Variants in MOB3B observed in about 807,000 individuals in gnomAD.
MOB3B encodes the protein MOB kinase activator 3B.
Under a neutral mutation model 18.7 loss-of-function variants are expected in MOB3B, and 7 were observed. That is an observed-to-expected ratio of 0.37 (90% CI 0.21 to 0.70). The LOEUF (loss-of-function observed/expected upper bound fraction) is 0.70, where lower values mean the gene tolerates loss of function less well. Ranked by LOEUF, MOB3B falls within the 30% of genes least tolerant of loss-of-function variation. MOB3B has a pLI of 0.52. For synonymous variants in MOB3B, 111 were observed against 99.9 expected, an observed-to-expected ratio of 1.11 and a Z score of -0.66; for missense variants, 253 against 281.3, an observed-to-expected ratio of 0.90 and a Z score of 0.72.
At chr9:27,407,777 C>T (rs28570465) in intron 2 of MOB3B, among the ~76,000 whole-genome samples, 6,314 of 152,216 alleles carry the variant, frequency 0.041, 384 homozygotes, top group African/African-American at 0.14. Context: ...AGAGAGGCTT[C>T]CCAGTGTTGT....
chr9:27,454,843 G>A (rs960870627), intron 2 of MOB3B, among the ~76,000 whole-genome samples: 1 of 152,174 alleles, frequency 6.6e-6, no homozygotes, highest in Non-Finnish European at 1.5e-5. Flanking sequence ...ATAAGTGAGT[G>A]AGTCTGACAT....
At chr9:27,357,585 C>T (rs1821210839) in intron 3 of MOB3B, among the ~76,000 whole-genome samples, 1 of 151,884 alleles carries the variant, frequency 6.6e-6, no homozygotes, top group Admixed American at 6.6e-5. Flanking sequence ...CCATGAAAAC[C>T]ATGGTGAAGG....
chr9:27,453,790 G>A (rs1289627647), intron 2 of MOB3B, among the ~76,000 whole-genome samples: 1 of 152,068 alleles, frequency 6.6e-6, no homozygotes, highest in Non-Finnish European at 1.5e-5. Context: ...TGCTAGTAAG[G>A]CTTCTGGAAA....
intron 2 of MOB3B, among the ~76,000 whole-genome samples, chr9:27,409,979 G>T (rs1822039714): frequency 6.6e-6 from 1 of 152,140 alleles, no homozygotes. Context: ...AGTTTGCAGT[G>T]ATGAAAAAGT....
intron 1 of MOB3B, among the ~76,000 whole-genome samples, chr9:27,490,968 C>T (rs189186863): frequency 4.2e-4 from 36 of 85,274 alleles, no homozygotes; most frequent in South Asian, 5.3e-4. Context: ...CTAGATAGCA[C>T]ATCATACAGC....
intron 1 of MOB3B, among the ~76,000 whole-genome samples, chr9:27,465,876 A>C (rs940737493): frequency 3.9e-5 from 6 of 152,190 alleles, no homozygotes; most frequent in Non-Finnish European, 8.8e-5. Context: ...CCTAGGCTGC[A>C]TACAGCACGG....
At chr9:27,399,041 G>A (rs2183537) in intron 2 of MOB3B, among the ~76,000 whole-genome samples, 46,635 of 151,830 alleles carry the variant, frequency 0.31, 8,448 homozygotes, top group East Asian at 0.78. Context: ...TTAAAATATT[G>A]AGTCCCCAAG....
intron 1 of MOB3B, among the ~76,000 whole-genome samples, chr9:27,459,709 T>C (rs951335728): frequency 1.3e-5 from 2 of 152,050 alleles, no homozygotes; most frequent in African/African-American, 4.8e-5. Flanking sequence ...CTGACTTGTA[T>C]AGCCCAGCAC....
In MOB3B at chr9:27,342,182, T is replaced by C. The variant is rs1571650; in HGVS notation, c.622-11566A>G. On this transcript the variant is annotated intron_variant, in intron 3 of 3. Transcript: ENST00000262244. ...GTCTTTTCAGAAAAGCTGGCTGACC[T>C]CGCGTCGCACCATGCCAATACCATG... Among the ~76,000 whole-genome samples the C allele has an allele frequency of 6.4e-3, 979 of 152,242 alleles. 6 individuals are homozygous for C. The highest frequency in any genetic ancestry group is 0.022 in the African/African-American group (910 of 41,518).
intron 2 of MOB3B, among the ~76,000 whole-genome samples, chr9:27,377,908 G>C (rs1308008198): frequency 2.0e-5 from 3 of 152,228 alleles, no homozygotes; most frequent in Admixed American, 1.3e-4. Flanking sequence ...TTGAAGGGCA[G>C]GGTGATGGGC....
chr9:27,353,490 C>T (rs1385603713), intron 3 of MOB3B, among the ~76,000 whole-genome samples: 2 of 152,198 alleles, frequency 1.3e-5, no homozygotes, highest in Non-Finnish European at 2.9e-5. Flanking sequence ...TATAAGGTAA[C>T]AGAACAGCTC....
intron 2 of MOB3B, among the ~76,000 whole-genome samples, chr9:27,403,150 G>C (rs926490348): frequency 2.8e-4 from 43 of 152,170 alleles, no homozygotes; most frequent in African/African-American, 1.0e-3. Context: ...GGGCTGGATT[G>C]ATCAAGAAGA....
chr9:27,330,499 T>A lies in MOB3B; in HGVS notation c.*88A>T, dbSNP rs1820770473. 6.3e-7 allele frequency: 1 copy of A among 1,577,462 alleles called. No individual in the cohort carries two copies. The highest frequency in any genetic ancestry group is 1.8e-5 in the Admixed American group (1 of 57,036). Reference sequence around the variant, plus strand: ...TCTGCTGTTCCTGGGAGTAGGTGTGTCATTTCAGCCAGGGTGGTCCACCTC... The same window carrying A: ...TCTGCTGTTCCTGGGAGTAGGTGTGACATTTCAGCCAGGGTGGTCCACCTC... On this transcript the variant is annotated 3_prime_UTR_variant, in exon 4 of 4. Transcript: ENST00000262244.
At chr9:27,352,959 C>T (rs1029920871) in intron 3 of MOB3B, among the ~76,000 whole-genome samples, 1 of 152,094 alleles carries the variant, frequency 6.6e-6, no homozygotes, top group Non-Finnish European at 1.5e-5. Flanking sequence ...CTCATTTGAC[C>T]ACAGAAGGAA....
At chr9:27,454,053 A>T (rs1353811615) in intron 2 of MOB3B, among the ~76,000 whole-genome samples, 1 of 152,160 alleles carries the variant, frequency 6.6e-6, no homozygotes, top group Non-Finnish European at 1.5e-5. Context: ...CAACACCAAG[A>T]TCCTGACAAA....
intron 1 of MOB3B, among the ~76,000 whole-genome samples, chr9:27,481,456 C>A (rs936460200): frequency 6.7e-6 from 1 of 149,872 alleles, no homozygotes; most frequent in Non-Finnish European, 1.5e-5. Flanking sequence ...GTGGTGGCGC[C>A]TGGGGTAAAC....
chr9:27,410,380 T>C (rs4879471), intron 2 of MOB3B, among the ~76,000 whole-genome samples: 61,804 of 151,926 alleles, frequency 0.41, 13,613 homozygotes, highest in East Asian at 0.79. Flanking sequence ...GATGATGGCA[T>C]GGGAATATTG....
intron 2 of MOB3B, 87 bp downstream of exon 2, chr9:27,455,046 C>A: frequency 7.3e-7 from 1 of 1,374,592 alleles, no homozygotes; most frequent in South Asian, 1.2e-5. Flanking sequence ...TGCATGGGTG[C>A]TACCTAGCAT....
At chr9:27,383,996 A>G (rs934810463) in intron 2 of MOB3B, among the ~76,000 whole-genome samples, 2 of 152,336 alleles carry the variant, frequency 1.3e-5, no homozygotes, top group East Asian at 3.9e-4. Flanking sequence ...ATAGATAAGC[A>G]TTATAAAGGC....
Sources: gnomAD v4.1 joint callset for allele counts (sites outside exome capture counted in the v4.1 genomes callset) on GRCh38, gnomAD v4.1.1 for gene constraint, MANE v1.5 for transcripts, NCBI Gene and HGNC (gene_info 2026-07-23, HGNC 2026-07-21) for gene names.